The following CTCFL variants were observed in gnomAD, a reference collection of about 807,000 sequenced individuals.
CTCFL encodes the protein transcriptional repressor CTCFL.
In CTCFL, 36 loss-of-function variants were observed where a neutral mutation model predicts 67.4. The ratio of observed to expected loss-of-function variants is 0.53; its 90% confidence interval spans 0.41 to 0.71. CTCFL has a LOEUF of 0.71. CTCFL is among the 30% of genes least tolerant of loss of function. The pLI is 0.00. For missense variants in CTCFL, 786 were observed against 835.2 expected, an observed-to-expected ratio of 0.94 and a Z score of 0.73; for synonymous variants, 324 against 302.3, an observed-to-expected ratio of 1.07 and a Z score of -0.75.
chr20:57,515,071 A>G (rs940484340), intron 6 of CTCFL: 1 of 278,706 alleles, frequency 3.6e-6, no homozygotes, highest in African/African-American at 2.2e-5. Context: ...CCTCTGTTAC[A>G]AAAGCAGCAC....
intron 7 of CTCFL, 33 bp from the exon 8 acceptor site, chr20:57,512,785 G>C (rs374301656): frequency 3.6e-5 from 58 of 1,603,550 alleles, no homozygotes; most frequent in Non-Finnish European, 5.0e-5. Context: ...TATACTTCAA[G>C]AGTGTTGTTT....
In CTCFL at chr20:57,513,505, T is replaced by C. The variant is rs73178710; in HGVS notation, c.1331-753A>G. The C allele has an allele frequency of 0.042, 42,736 of 1,013,224 alleles. 1,064 individuals carry two copies. The highest frequency in any genetic ancestry group is 0.047 in the Non-Finnish European group (39,973 of 847,242). 62.8% of individuals were successfully genotyped at this position (1,013,224 alleles called of 1,614,324 possible). On this transcript the variant is annotated intron_variant, in intron 7 of 10. Coordinates refer to ENST00000243914, the MANE Select transcript of CTCFL (RefSeq NM_001386993.1). ...ATTAATGTGTTTATAAAGCATCTTATAGGGCTATGTGGAGTGTATCACCCA... is the reference window on the plus strand; with the variant it reads ...ATTAATGTGTTTATAAAGCATCTTACAGGGCTATGTGGAGTGTATCACCCA...
intron 9 of CTCFL, among the ~76,000 whole-genome samples, chr20:57,505,198 CTTGCT>C (rs1190226175): frequency 6.6e-6 from 1 of 151,742 alleles, no homozygotes; most frequent in Non-Finnish European, 1.5e-5. Context: ...CAAAAGCTAG[CTTGCT>C]TTAAGTATTT....
chr20:57,517,566 C>T (rs183619388), intron 5 of CTCFL, among the ~76,000 whole-genome samples: 7 of 152,208 alleles, frequency 4.6e-5, no homozygotes, highest in Admixed American at 3.9e-4. Context: ...GCGTGAGCCA[C>T]CGCGCCCGGC....
Position 57,524,034 on chromosome 20 carries a change from C to T in CTCFL, c.172G>A (p.Asp58Asn), listed in dbSNP as rs1374671948. 2 of 1,613,506 alleles carry T rather than the reference C, an allele frequency of 1.2e-6. No homozygotes were observed. The highest frequency in any genetic ancestry group is 1.7e-6 in the Non-Finnish European group (2 of 1,179,990). ...TCCACTTCTTCCTCCAGGACGCTGT[C>T]CTGGAAGGCCCCAGAGGTACGCTCG... ...EAERTSGAFQ[D>N]SVLEEEVELV... Residue 58 changes from aspartate (D) to asparagine (N), a missense_variant, in exon 2 of 11, where the codon GAC becomes AAC. Physicochemically the swap from Asp to Asn is conservative, Grantham distance 23. This residue lies in a region of CTCFL where 333 missense variants were observed against 304.6 expected (regional missense o/e 1.09). Transcript: ENST00000243914.
Position 57,504,087 on chromosome 20 carries a change from C to CT in CTCFL, c.1675-487dup, listed in dbSNP as rs2068058862. Among the ~76,000 whole-genome samples, 4 of 152,018 alleles carry CT rather than the reference C, an allele frequency of 2.6e-5. No homozygotes were observed. The South Asian group carries it at 8.3e-4, about 32-fold the overall frequency. ...CGCCTCCTGGGTTCACGTCATTCTC[C>CT]TGCCTCAGCCTCCCAAGTAGCTGGG... On this transcript the variant is annotated intron_variant, in intron 9 of 10. Transcript: ENST00000243914.
chr20:57,511,502 C>A (rs1384943760), intron 8 of CTCFL, among the ~76,000 whole-genome samples: 2 of 152,044 alleles, frequency 1.3e-5, no homozygotes, highest in African/African-American at 4.8e-5. Flanking sequence ...TTGGAAAATA[C>A]TAGTTCACTT....
At position 57,523,806 on chromosome 20, in the gene CTCFL, C is replaced by T; in HGVS notation, c.400G>A (p.Val134Met). 1 of 1,613,186 alleles carries T rather than the reference C, an allele frequency of 6.2e-7. No individual in the cohort carries two copies. Among genetic ancestry groups the T allele is most frequent in the Non-Finnish European group, 8.5e-7 (1 of 1,180,044 alleles). ...EGPRQSLQQCVAISIQQELYS... is the reference protein window; with the variant it reads ...EGPRQSLQQCMAISIQQELYS... ...AGCTCTTGCTGGATACTAATGGCCA[C>T]ACACTGCTGCAGGCTCTGCCGGGGC... is the stretch of plus-strand genomic sequence containing the variant. Residue 134 changes from valine (V) to methionine (M), a missense_variant, in exon 2 of 11, where the codon GTG (valine) becomes ATG (methionine). Coordinates refer to ENST00000243914, the MANE Select transcript of CTCFL (RefSeq NM_001386993.1).
chr20:57,502,835 A>G (rs1165344874), intron 10 of CTCFL, among the ~76,000 whole-genome samples: 1 of 152,250 alleles, frequency 6.6e-6, no homozygotes, highest in Non-Finnish European at 1.5e-5. Flanking sequence ...TAAGCCCCAT[A>G]GCTGACCTCC....
rs533216026 is a variant in CTCFL, at chr20:57,523,676, G to A, written c.530C>T (p.Thr177Ile). Residue 177 changes from threonine (T) to isoleucine (I), a missense_variant, in exon 2 of 11, where the codon ACT becomes ATT. Physicochemically the swap from Thr to Ile is moderately conservative, Grantham distance 89. Around this residue, in one of 3 missense-constraint regions of CTCFL, gnomAD observed 333 missense variants for 304.6 expected, o/e 1.09. Coordinates refer to ENST00000243914, the MANE Select transcript of CTCFL (RefSeq NM_001386993.1). ...SKLAVSLAET[T>I]GLIKLEEEQE... is the part of the protein sequence containing the mutation. ...AACCAGCTGTACCTTGATCAGTCCA[G>A]TAGTTTCAGCCAGGCTCACCGCTAA... 1 of 1,613,458 alleles carries A rather than the reference G, an allele frequency of 6.2e-7. No individual in the cohort carries two copies. Among genetic ancestry groups the A allele is most frequent in the African/African-American group, 1.3e-5 (1 of 75,050 alleles).
chr20:57,512,706 T>C lies in CTCFL; in HGVS notation c.1377A>G (p.Lys459=). ...GGAAGACAGCAGAACAGTAGCGGCA[T>C]TTCAGCTCTGCAGCGCTGTAAGCAT... ...NLHAYSAAEL[K]CRYCSAVFHE... is the part of the protein sequence containing the mutation. Residue 459 remains lysine (K), a synonymous_variant, in exon 8 of 11, where the codon AAA becomes AAG. Transcript: ENST00000243914. 4 of 1,614,224 alleles carry C rather than the reference T, an allele frequency of 2.5e-6. No individual in the cohort carries two copies. Among genetic ancestry groups the C allele is most frequent in the Non-Finnish European group, 3.4e-6 (4 of 1,180,022 alleles).
At chr20:57,498,967 T>TAG (rs1307075138) in intron 10 of CTCFL, among the ~76,000 whole-genome samples, 3 of 150,988 alleles carry the variant, frequency 2.0e-5, no homozygotes, top group Admixed American at 1.3e-4. Context: ...TGTAGGATGT[T>TAG]AGCAGCGACC....
chr20:57,513,982 G>T, intron 7 of CTCFL: 1 of 964,148 alleles, frequency 1.0e-6, no homozygotes, highest in Non-Finnish European at 1.4e-6. Context: ...TCCTAGGCCT[G>T]CTGTTCCAAG....
chr20:57,517,340 G>A (rs955019372), intron 5 of CTCFL, among the ~76,000 whole-genome samples: 2 of 149,036 alleles, frequency 1.3e-5, no homozygotes, highest in South Asian at 2.1e-4. Flanking sequence ...TGGAGTGCGC[G>A]ATTTCGGCTC....
intron 9 of CTCFL, among the ~76,000 whole-genome samples, chr20:57,506,125 G>C (rs967042098): frequency 3.3e-5 from 5 of 152,164 alleles, no homozygotes; most frequent in Non-Finnish European, 5.9e-5. Flanking sequence ...AGTTTTACTG[G>C]AACACAGCCA....
chr20:57,511,213 A>AT (rs1200665936), intron 8 of CTCFL, among the ~76,000 whole-genome samples: 1 of 151,750 alleles, frequency 6.6e-6, no homozygotes, highest in Non-Finnish European at 1.5e-5. Flanking sequence ...TAATTTTTGT[A>AT]TTTTTTTGTA....
chr20:57,504,519 T>A (rs868271435), intron 9 of CTCFL, among the ~76,000 whole-genome samples: 15 of 151,716 alleles, frequency 9.9e-5, no homozygotes, highest in African/African-American at 3.6e-4. Context: ...TGACCTCAAG[T>A]GATCCACCTG....
At chr20:57,507,666 G>A (rs904693055) in intron 9 of CTCFL, 9 of 702,906 alleles carry the variant, frequency 1.3e-5, no homozygotes, top group Non-Finnish European at 2.3e-5. Context: ...CCTGGAAGTG[G>A]ATCCTCTGGC....
At chr20:57,515,581 C>T in intron 6 of CTCFL, 133 bp downstream of exon 6, 1 of 1,099,400 alleles carries the variant, frequency 9.1e-7, no homozygotes, top group East Asian at 2.4e-5. Flanking sequence ...GATCAAGATT[C>T]TTTTATCATG....
Sources: gnomAD v4.1 joint callset for allele counts (sites outside exome capture counted in the v4.1 genomes callset) on GRCh38, gnomAD v4.1.1 for gene constraint, gnomAD v4.1.1 regional missense constraint, MANE v1.5 for transcripts, NCBI Gene and HGNC (gene_info 2026-07-23, HGNC 2026-07-21) for gene names.